The following DNAH11 variants were observed in gnomAD, a reference collection of about 807,000 sequenced individuals.
DNAH11 encodes the protein dynein axonemal heavy chain 11.
A neutral mutation model predicts 526.0 loss-of-function variants in DNAH11; 442 were observed. The ratio of observed to expected loss-of-function variants is 0.84; its 90% CI spans 0.78 to 0.91. DNAH11 has a LOEUF of 0.91. Ranked by LOEUF, DNAH11 falls within the 40% of genes least tolerant of loss-of-function variation. The pLI, the probability that DNAH11 is intolerant of heterozygous loss-of-function variation, is 0.00. For missense variants in DNAH11, 6,989 were observed against 5,448.7 expected (o/e 1.28, Z -8.90); for synonymous variants, 2,461 against 1,935.9 (o/e 1.27, Z -7.12).
At chr7:21,653,823 TG>T (rs1781891679) in intron 28 of DNAH11, among the ~76,000 whole-genome samples, 1 of 152,206 alleles carries the variant, frequency 6.6e-6, no homozygotes, top group African/African-American at 2.4e-5. Flanking sequence ...TAAAACTGCA[TG>T]TACAGCAAAA....
intron 30 of DNAH11, among the ~76,000 whole-genome samples, chr7:21,669,390 T>G (rs1218783006): frequency 6.6e-6 from 1 of 152,134 alleles, no homozygotes; most frequent in African/African-American, 2.4e-5. Flanking sequence ...CAGGTTCTCT[T>G]GAGCTCCTGA....
intron 30 of DNAH11, among the ~76,000 whole-genome samples, chr7:21,661,566 G>C (rs1353070266): frequency 1.3e-5 from 2 of 151,826 alleles, no homozygotes; most frequent in African/African-American, 4.8e-5. Flanking sequence ...TGTTTTGGGG[G>C]ATAATTTTAA....
chr7:21,627,289 T>G (rs1786385526), intron 25 of DNAH11, among the ~76,000 whole-genome samples: 1 of 152,202 alleles, frequency 6.6e-6, no homozygotes, highest in Non-Finnish European at 1.5e-5. Flanking sequence ...TGATCCTGTT[T>G]GCCCAGTTTT....
chr7:21,861,035 G>A (rs796506553), intron 68 of DNAH11, among the ~76,000 whole-genome samples: 4 of 152,276 alleles, frequency 2.6e-5, no homozygotes, highest in African/African-American at 7.2e-5. Context: ...AATTATGGGA[G>A]CTATAATTCA....
At chr7:21,580,641 C>A (rs1464726724) in intron 8 of DNAH11, among the ~76,000 whole-genome samples, 1 of 152,206 alleles carries the variant, frequency 6.6e-6, no homozygotes, top group African/African-American at 2.4e-5. Context: ...ACAGATGGCA[C>A]TTTCTAGCCA....
At chr7:21,545,228 TAAAA>T in intron 2 of DNAH11, 79 bp downstream of exon 2, 2 of 1,084,558 alleles carry the variant, frequency 1.8e-6, no homozygotes, top group Non-Finnish European at 2.3e-6. Flanking sequence ...CTCCGATAAT[TAAAA>T]AAAGAAGAGC....
At chr7:21,569,823 T>G (rs923484394) in intron 6 of DNAH11, among the ~76,000 whole-genome samples, 1 of 152,224 alleles carries the variant, frequency 6.6e-6, no homozygotes, top group African/African-American at 2.4e-5. Context: ...TAGCAACAAT[T>G]TAGTCATTTG....
intron 8 of DNAH11, among the ~76,000 whole-genome samples, chr7:21,573,728 A>G (rs1203025448): frequency 6.6e-6 from 1 of 152,000 alleles, no homozygotes; most frequent in Non-Finnish European, 1.5e-5. Flanking sequence ...TACATGCCCA[A>G]CCTCTGCCCT....
rs368254400 is a variant in DNAH11 at position 21,842,739 on chromosome 7, G to C, written c.10887G>C (p.Glu3629Asp). The C allele has an allele frequency of 1.2e-6, 2 of 1,607,070 alleles. No individual in the cohort carries two copies. Among genetic ancestry groups the C allele is most frequent in the Non-Finnish European group, 1.7e-6 (2 of 1,176,878 alleles). Residue 3629 changes from glutamate to aspartate, a missense_variant, in exon 66 of 82, where the codon GAG (glutamate) becomes GAC (aspartate). By Grantham distance (45) the Glu-to-Asp change is conservative (BLOSUM62 2). Coordinates refer to ENST00000409508, the MANE Select transcript of DNAH11 (RefSeq NM_001277115.2). ...TCAGTATTGAAAGGCCAGATTTGGA[G>C]AAACTTAAGGTAAAAATGTTTACGT... ...EVVSIERPDL[E>D]KLKLVLTKHQ...
rs530978425 is a variant in DNAH11 at position 21,889,810 on chromosome 7, T to C, written c.12508-2615T>C. 4.1e-4 allele frequency among the ~76,000 whole-genome samples: 63 copies of C among 152,274 alleles called. No individual in the cohort carries two copies. In the East Asian group the frequency reaches 6.0e-3, roughly 14 times the overall value. On this transcript the variant is annotated intron_variant, in intron 76 of 81. Transcript: ENST00000409508. ...GGCCACTGTGTAGAGAGCTCTACAA[T>C]GATGGCCCCATTAGCAAAAAGCATC... is the stretch of plus-strand genomic sequence containing the variant.
intron 70 of DNAH11, 68 bp from the exon 71 acceptor site, chr7:21,866,402 C>G: frequency 6.9e-7 from 1 of 1,439,580 alleles, no homozygotes; most frequent in East Asian, 2.3e-5. Flanking sequence ...GATACATTCA[C>G]AAGTCTTCTT....
Position 21,606,720 on chromosome 7 carries a change from C to A in DNAH11, c.3839C>A (p.Thr1280Lys). ...PLGFNAENPY[T>K]ALDKANEELE... ...GGATTTAATGCAGAAAATCCATACA[C>A]AGCGCTTGATAAGGTAATACAGATC... Residue 1280 changes from threonine (T) to lysine (K), a missense_variant, in exon 20 of 82, where the codon ACA (threonine) becomes AAA (lysine). By Grantham distance (78) the Thr-to-Lys change is moderately conservative. Coordinates refer to ENST00000409508, the MANE Select transcript of DNAH11 (RefSeq NM_001277115.2). 6.2e-7 allele frequency: 1 copy of A among 1,606,990 alleles called. No individual in the cohort carries two copies. Among genetic ancestry groups the A allele is most frequent in the Non-Finnish European group, 8.5e-7 (1 of 1,177,224 alleles).
chr7:21,641,059 C>A (rs17144847), intron 28 of DNAH11, among the ~76,000 whole-genome samples: 10,987 of 152,224 alleles, frequency 0.072, 1,086 homozygotes, highest in African/African-American at 0.22. Flanking sequence ...ATGTATATGC[C>A]AGAGCCACCC....
At position 21,558,790 on chromosome 7, in the gene DNAH11, C is replaced by G. The variant is rs375199104; in HGVS notation, c.496-12C>G. Reference sequence around the variant, plus strand: ...TCTGTAAATTAATTTAACTATGTTTCTCTTTCTCTAGATTTTAGTGCCAGT... The same window carrying G: ...TCTGTAAATTAATTTAACTATGTTTGTCTTTCTCTAGATTTTAGTGCCAGT... On this transcript the variant is annotated splice_polypyrimidine_tract_variant and intron_variant, in intron 2 of 81. Coordinates refer to ENST00000409508, the MANE Select transcript of DNAH11 (RefSeq NM_001277115.2). The G allele has an allele frequency of 3.2e-6, 5 of 1,555,154 alleles. No individual in the cohort carries two copies. The African/African-American group carries it at 4.1e-5, about 13-fold the overall frequency.
chr7:21,671,645 A>G (rs146163249), intron 30 of DNAH11, among the ~76,000 whole-genome samples: 1 of 151,598 alleles, frequency 6.6e-6, no homozygotes, highest in African/African-American at 2.4e-5. Flanking sequence ...CTTGTTTTAT[A>G]TTTCACTTAT....
At chr7:21,676,247 G>A (rs1361307105) in intron 30 of DNAH11, among the ~76,000 whole-genome samples, 1 of 152,218 alleles carries the variant, frequency 6.6e-6, no homozygotes, top group East Asian at 1.9e-4. Flanking sequence ...TTTCAAAGGG[G>A]CGTAGGTAGA....
At chr7:21,652,222 A>G (rs1479166123) in intron 28 of DNAH11, among the ~76,000 whole-genome samples, 1 of 152,248 alleles carries the variant, frequency 6.6e-6, no homozygotes, top group African/African-American at 2.4e-5. Flanking sequence ...TTTGACAAAA[A>G]GAATGAAGAT....
intron 2 of DNAH11, among the ~76,000 whole-genome samples, chr7:21,549,199 C>G (rs1036053611): frequency 2.6e-5 from 4 of 152,176 alleles, no homozygotes; most frequent in Non-Finnish European, 4.4e-5. Context: ...TTTTATAAGT[C>G]TTATTTCCCC....
chr7:21,631,391 C>T (rs1209097857), intron 25 of DNAH11, among the ~76,000 whole-genome samples: 1 of 152,200 alleles, frequency 6.6e-6, no homozygotes, highest in Non-Finnish European at 1.5e-5. Context: ...AGTCTTAACT[C>T]ATTTCAGCAT....
Sources: allele counts gnomAD v4.1 joint callset (sites outside exome capture counted in the v4.1 genomes callset), GRCh38; gene constraint gnomAD v4.1.1; transcripts MANE v1.5; gene names NCBI Gene and HGNC (gene_info 2026-07-23, HGNC 2026-07-21).